Variants in DLG2 observed in about 807,000 individuals in gnomAD.
DLG2 encodes disks large homolog 2.
A neutral mutation model predicts 132.5 loss-of-function variants in DLG2; 45 were observed. That is an observed-to-expected ratio of 0.34 (90% CI 0.27 to 0.44). The LOEUF (loss-of-function observed/expected upper bound fraction) is 0.44, where lower values mean the gene tolerates loss of function less well. Ranked by LOEUF, DLG2 falls within the 20% of genes least tolerant of loss-of-function variation. The pLI is 1.00. For synonymous variants in DLG2, 424 were observed against 419.6 expected (o/e 1.01, Z -0.13); for missense variants, 1,045 against 1,196.9 (o/e 0.87, Z 1.87).
chr11:83,852,469 T>G (rs951470742), intron 16 of DLG2, among the ~76,000 whole-genome samples: 1 of 152,210 alleles, frequency 6.6e-6, no homozygotes, highest in Non-Finnish European at 1.5e-5. Flanking sequence ...GAAGTTTTCA[T>G]GTAGTTAAGA....
At chr11:84,695,088 G>A (rs1395393854) in intron 6 of DLG2, among the ~76,000 whole-genome samples, 4 of 151,396 alleles carry the variant, frequency 2.6e-5, no homozygotes, top group Admixed American at 2.6e-4. Flanking sequence ...CGGTAAAATG[G>A]TCCCCCCTTC....
chr11:84,304,719 ATAT>A (rs1434626137), intron 7 of DLG2, among the ~76,000 whole-genome samples: 1 of 152,180 alleles, frequency 6.6e-6, no homozygotes, highest in Admixed American at 6.5e-5. Context: ...CATGTCTGAA[ATAT>A]TATTCTTTTG....
At chr11:83,510,024 T>G (rs942478893) in intron 21 of DLG2, among the ~76,000 whole-genome samples, 1 of 152,144 alleles carries the variant, frequency 6.6e-6, no homozygotes, top group African/African-American at 2.4e-5. Flanking sequence ...GTGGTGCAAA[T>G]CAGAGGCAAG....
At chr11:83,879,799 A>G (rs1033136383) in intron 15 of DLG2, among the ~76,000 whole-genome samples, 5 of 152,198 alleles carry the variant, frequency 3.3e-5, no homozygotes, top group Admixed American at 6.5e-5. Context: ...ATTCCTCAAT[A>G]TTGTAGTACT....
chr11:84,506,322 G>A (rs1041565106), intron 7 of DLG2, among the ~76,000 whole-genome samples: 2 of 151,896 alleles, frequency 1.3e-5, no homozygotes, highest in Admixed American at 1.3e-4. Context: ...TGATCCGCCC[G>A]CCTCGGCCTC....
chr11:85,504,644 C>T (rs577830141), intron 3 of DLG2, among the ~76,000 whole-genome samples: 8 of 152,156 alleles, frequency 5.3e-5, no homozygotes, highest in South Asian at 2.1e-4. Context: ...AGTCAGGTAG[C>T]GTGGTGCATC....
chr11:85,489,298 G>A (rs573026547), intron 3 of DLG2, among the ~76,000 whole-genome samples: 1 of 152,188 alleles, frequency 6.6e-6, no homozygotes, highest in South Asian at 2.1e-4. Context: ...AAATGGTCAT[G>A]GACAGTGAAA....
intron 19 of DLG2, among the ~76,000 whole-genome samples, chr11:83,611,811 T>G (rs968031610): frequency 6.6e-6 from 1 of 152,210 alleles, no homozygotes; most frequent in Non-Finnish European, 1.5e-5. Flanking sequence ...TGAGGGCTTG[T>G]TGCCAGGTGG....
intron 6 of DLG2, among the ~76,000 whole-genome samples, chr11:85,006,201 G>A (rs927592661): frequency 1.3e-5 from 2 of 152,042 alleles, no homozygotes; most frequent in African/African-American, 2.4e-5. Context: ...TTGTTGTTGT[G>A]TCTCTGCCAG....
chr11:83,588,102 C>G (rs1161350525), intron 19 of DLG2, among the ~76,000 whole-genome samples: 1 of 152,182 alleles, frequency 6.6e-6, no homozygotes, highest in Admixed American at 6.5e-5. Context: ...AACAAAGCAG[C>G]TGGGAAGCTC....
chr11:85,464,970 A>T (rs1236332481), intron 3 of DLG2, among the ~76,000 whole-genome samples: 2 of 150,548 alleles, frequency 1.3e-5, no homozygotes, highest in Admixed American at 6.6e-5. Context: ...GCTACTTGGG[A>T]GGCTGAGGCA....
intron 6 of DLG2, among the ~76,000 whole-genome samples, chr11:84,885,912 T>G (rs749757528): frequency 9.2e-5 from 14 of 152,206 alleles, no homozygotes; most frequent in Non-Finnish European, 1.8e-4. Context: ...TGAAATAATA[T>G]TCTACTTGGA....
chr11:85,620,418 A>G (rs2081616707), intron 2 of DLG2, among the ~76,000 whole-genome samples: 3 of 152,226 alleles, frequency 2.0e-5, no homozygotes, highest in Admixed American at 2.0e-4. Context: ...AACGTTACAC[A>G]TTTCTCACAC....
At chr11:84,045,537 CA>C (rs1371686247) in intron 11 of DLG2, among the ~76,000 whole-genome samples, 3 of 151,630 alleles carry the variant, frequency 2.0e-5, no homozygotes, top group Non-Finnish European at 4.4e-5. Flanking sequence ...CATGAACCAA[CA>C]AAAAGATTCT....
At chr11:84,488,616 T>C (rs2099156837) in intron 7 of DLG2, among the ~76,000 whole-genome samples, 1 of 152,070 alleles carries the variant, frequency 6.6e-6, no homozygotes, top group African/African-American at 2.4e-5. Context: ...GCAAGACAGC[T>C]TACTCTGCTT....
At chr11:85,256,812 G>A (rs1168648454) in intron 4 of DLG2, among the ~76,000 whole-genome samples, 1 of 152,150 alleles carries the variant, frequency 6.6e-6, no homozygotes, top group African/African-American at 2.4e-5. Context: ...AAAAAGTCTA[G>A]TGTATCATTG....
intron 2 of DLG2, among the ~76,000 whole-genome samples, chr11:85,616,867 A>G (rs561120170): frequency 7.8e-4 from 119 of 152,318 alleles, no homozygotes; most frequent in African/African-American, 2.6e-3. Context: ...GAAAAAGGTA[A>G]AAGTCCATGA....
intron 6 of DLG2, among the ~76,000 whole-genome samples, chr11:84,716,889 G>A (rs988277263): frequency 6.6e-6 from 1 of 151,914 alleles, no homozygotes; most frequent in African/African-American, 2.4e-5. Context: ...TGGAATAAAT[G>A]GTGTTGTACT....
intron 19 of DLG2, among the ~76,000 whole-genome samples, chr11:83,559,034 A>AACATG (rs2096567808): frequency 6.6e-6 from 1 of 152,302 alleles, no homozygotes; most frequent in East Asian, 1.9e-4. Flanking sequence ...AAGAAGAAGT[A>AACATG]ACATGAATTC....
Sources: gnomAD v4.1 joint callset for allele counts (sites outside exome capture counted in the v4.1 genomes callset) on GRCh38, gnomAD v4.1.1 for gene constraint, MANE v1.5 for transcripts, NCBI Gene and HGNC (gene_info 2026-07-23, HGNC 2026-07-21) for gene names.